WTIP: variants seen among roughly 807,000 people sequenced by gnomAD.
WTIP encodes the protein Wilms tumor protein 1-interacting protein.
In WTIP, 23 loss-of-function variants were observed where a neutral mutation model predicts 41.7. That is an observed-to-expected ratio of 0.55 (90% CI 0.40 to 0.78). The LOEUF (loss-of-function observed/expected upper bound fraction) is 0.78. WTIP is among the 30% of genes least tolerant of loss of function. The pLI is 0.00. For missense variants in WTIP, 619 were observed against 610.5 expected (o/e 1.01, Z -0.15); for synonymous variants, 314 against 269.9 (o/e 1.16, Z -1.60).
rs1188819902 is a variant in WTIP, at chr19:34,500,186, C to A, written c.1210C>A (p.His404Asn). 2 of 1,604,130 alleles carry A rather than the reference C, an allele frequency of 1.2e-6. No individual in the cohort carries two copies. Among genetic ancestry groups the A allele is most frequent in the Non-Finnish European group, 8.5e-7 (1 of 1,179,750 alleles). The change falls in exon 8 of 8, where the codon CAC becomes AAC. Residue 404 changes from histidine (H) to asparagine (N), a missense_variant. Physicochemically the swap from His to Asn is moderately conservative, Grantham distance 68. Coordinates refer to ENST00000590071, the MANE Select transcript of WTIP (RefSeq NM_001080436.2). ...EGRRCYPLAG[H>N]LLCRRCHLRR... is the part of the protein sequence containing the mutation. The stretch of plus-strand genomic sequence containing the variant: ...ACGCCGTTGCTATCCCCTGGCGGGC[C>A]ACCTACTGTGTCGTCGTTGCCACCT...
chr19:34,499,937 A>G (rs2075875372), intron 7 of WTIP, among the ~76,000 whole-genome samples, 192 bp from the exon 8 acceptor site: 1 of 151,926 alleles, frequency 6.6e-6, no homozygotes, highest in Non-Finnish European at 1.5e-5. Context: ...GACCGAAGCG[A>G]TGATCCAGCC....
At chr19:34,486,863 C>T (rs113794040) in intron 1 of WTIP, among the ~76,000 whole-genome samples, 3 of 152,206 alleles carry the variant, frequency 2.0e-5, no homozygotes, top group African/African-American at 4.8e-5. Flanking sequence ...AGGGTCCTTC[C>T]ATCACCAACC....
intron 6 of WTIP, 88 bp downstream of exon 6, chr19:34,494,725 G>A (rs1009626790): frequency 3.7e-6 from 5 of 1,365,498 alleles, no homozygotes; most frequent in East Asian, 2.4e-5. Context: ...GGTCTTGGGC[G>A]ACAGTGGGAG....
At chr19:34,482,979 CT>C (rs2075777038) in intron 1 of WTIP, among the ~76,000 whole-genome samples, 2 of 122,694 alleles carry the variant, frequency 1.6e-5, no homozygotes, top group Non-Finnish European at 3.6e-5. Flanking sequence ...ATTTTTTCTT[CT>C]TTCTTCTTTT....
intron 7 of WTIP, among the ~76,000 whole-genome samples, chr19:34,496,371 A>G (rs770213741): frequency 6.6e-6 from 1 of 152,110 alleles, no homozygotes; most frequent in Admixed American, 6.5e-5. Flanking sequence ...GGGTTTCATC[A>G]TGTTACCCAG....
In WTIP at chr19:34,482,212, G is replaced by C; in HGVS notation, c.238G>C (p.Glu80Gln). 8.8e-7 allele frequency: 1 copy of C among 1,138,760 alleles called. No individual in the cohort carries two copies. The highest frequency in any genetic ancestry group is 1.1e-6 in the Non-Finnish European group (1 of 931,624). 70.5% of individuals were successfully genotyped at this position (1,138,760 alleles called of 1,614,324 possible). A position where few individuals can be genotyped will look rare whatever the true frequency, so the allele number is the denominator to read the frequency against. ...GGGTCCCCGGCGCGCGGCGGTTCCG[G>C]AGCTCAGCGCGCAGCCTGCGGGCAG... ...ERGPRRAAVP[E>Q]LSAQPAGSPR... The change falls in exon 1 of 8, where the codon GAG (glutamate) becomes CAG (glutamine). Residue 80 changes from glutamate to glutamine, a missense_variant. Physicochemically the swap from Glu to Gln is conservative, Grantham distance 29. This residue lies in a region of WTIP where 363 missense variants were observed against 309.0 expected (regional missense o/e 1.17). Transcript: ENST00000590071.
At position 34,505,191 on chromosome 19, in the gene WTIP, AGGTGGT is replaced by A. The variant is rs1198992054; in HGVS notation, c.*4925_*4930del. On this transcript the variant is annotated 3_prime_UTR_variant, in exon 8 of 8. Coordinates refer to ENST00000590071, the MANE Select transcript of WTIP (RefSeq NM_001080436.2). ...GAGGTGGGAGGGGCCCTGAGGCCTG[AGGTGGT>A]GGAAGGAGCTCACCTATCTCAGGCC... is the stretch of plus-strand genomic sequence containing the variant. The A allele has an allele frequency of 6.6e-6, 1 of 152,214 alleles. No homozygotes were observed. The highest frequency in any genetic ancestry group is 2.4e-5 in the African/African-American group (1 of 41,408). The allele number at this position is 152,214 out of a possible 1,614,324, so 9.4% of individuals were successfully genotyped here. A position where few individuals can be genotyped will look rare whatever the true frequency, so the allele number is the denominator to read the frequency against.
At chr19:34,497,373 G>C (rs952282149) in intron 7 of WTIP, among the ~76,000 whole-genome samples, 2 of 152,152 alleles carry the variant, frequency 1.3e-5, no homozygotes, top group African/African-American at 4.8e-5. Context: ...ACTGTCATCT[G>C]TTTAGCCTGT....
At chr19:34,487,262 C>T (rs991555064) in intron 1 of WTIP, among the ~76,000 whole-genome samples, 5 of 151,800 alleles carry the variant, frequency 3.3e-5, no homozygotes, top group South Asian at 2.1e-4. Context: ...CCACCACGCC[C>T]GGCTAATTTT....
At chr19:34,488,114 C>T (rs1195621025) in intron 1 of WTIP, among the ~76,000 whole-genome samples, 5 of 151,706 alleles carry the variant, frequency 3.3e-5, no homozygotes, top group Non-Finnish European at 5.9e-5. Flanking sequence ...CTTACTCTGT[C>T]GGCCAGGCTG....
rs2075921558 is a variant in WTIP, at chr19:34,508,489, T to A, written c.*8220T>A. ...AAGCAGAAGCCTCTTTGGTTTTAGT[T>A]TTAAAGGTGCATTGACCCATGTACC... On this transcript the variant is annotated 3_prime_UTR_variant, in exon 8 of 8. Coordinates refer to ENST00000590071, the MANE Select transcript of WTIP (RefSeq NM_001080436.2). The A allele has an allele frequency of 6.6e-6, 1 of 152,186 alleles. No individual in the cohort carries two copies. Among genetic ancestry groups the A allele is most frequent in the Non-Finnish European group, 1.5e-5 (1 of 68,074 alleles). The allele number at this position is 152,186 out of a possible 1,614,324, so 9.4% of individuals were successfully genotyped here.
intron 1 of WTIP, among the ~76,000 whole-genome samples, chr19:34,486,517 A>G (rs1273814486): frequency 6.6e-6 from 1 of 151,756 alleles, no homozygotes; most frequent in African/African-American, 2.4e-5. Flanking sequence ...AGAGGTGCCC[A>G]CCACCACACC....
rs994684336 is a variant in WTIP, at chr19:34,490,980, C to T, written c.769+503C>T. On this transcript the variant is annotated intron_variant, in intron 2 of 7. Coordinates refer to ENST00000590071, the MANE Select transcript of WTIP (RefSeq NM_001080436.2). ...GGGATTATAGGCACACGTGCCACCA[C>T]GCTCGGCTAATTTTTTTTTTTTTTT... 3.2e-4 allele frequency among the ~76,000 whole-genome samples: 49 copies of T among 151,896 alleles called. 1 individual carries two copies. Among genetic ancestry groups the T allele is most frequent in the African/African-American group, 9.9e-4 (41 of 41,422 alleles).
rs1313951252 is a variant in WTIP, at chr19:34,495,760, T to C, written c.1141T>C (p.Tyr381His). The C allele has an allele frequency of 6.2e-7, 1 of 1,613,804 alleles. No homozygotes were observed. The highest frequency in any genetic ancestry group is 2.2e-5 in the East Asian group (1 of 44,872). ...GGACAGAGACTACCACGTGGCATGT[T>C]ACCACTGTGAGGTGAGCCTGGGCCC... ...SMDRDYHVACYHCEDCGLQLS... is the reference protein window; with the variant it reads ...SMDRDYHVACHHCEDCGLQLS... The change falls in exon 7 of 8, where the codon TAC (tyrosine) becomes CAC (histidine). Residue 381 changes from tyrosine (Y) to histidine (H), a missense_variant. By Grantham distance (83) the Tyr-to-His change is moderately conservative. Around this residue, in one of 3 missense-constraint regions of WTIP, gnomAD observed 92 missense variants for 82.4 expected, o/e 1.12. Transcript: ENST00000590071.
chr19:34,482,666 C>G (rs948310738), intron 1 of WTIP, 25 bp downstream of exon 1: 2 of 1,225,586 alleles, frequency 1.6e-6, no homozygotes, highest in African/African-American at 3.1e-5. Flanking sequence ...CCCGGCAGTT[C>G]CCTGCGCGCA....
intron 1 of WTIP, among the ~76,000 whole-genome samples, chr19:34,485,806 G>A (rs1403798112): frequency 1.3e-5 from 2 of 152,090 alleles, no homozygotes; most frequent in Non-Finnish European, 2.9e-5. Flanking sequence ...TGTTGTCCAG[G>A]CTGGTCTTGA....
chr19:34,497,145 G>C (rs560285953), intron 7 of WTIP, among the ~76,000 whole-genome samples: 2 of 152,220 alleles, frequency 1.3e-5, no homozygotes, highest in South Asian at 4.1e-4. Context: ...TTACAGGCTT[G>C]AGCCACCACA....
chr19:34,483,917 CTTTTTTTTT>C (rs61308943), intron 1 of WTIP, among the ~76,000 whole-genome samples: 8 of 66,842 alleles, frequency 1.2e-4, no homozygotes, highest in African/African-American at 4.0e-4. Context: ...TGAACTGGAT[CTTTTTTTTT>C]TTTTTTTTTT....
intron 7 of WTIP, among the ~76,000 whole-genome samples, chr19:34,498,195 C>T (rs564138505): frequency 1.2e-3 from 179 of 152,226 alleles, no homozygotes; most frequent in Middle Eastern, 6.8e-3. Context: ...GGGTCAAAGC[C>T]GCCAGCATTC....
Sources: allele counts gnomAD v4.1 joint callset (sites outside exome capture counted in the v4.1 genomes callset), GRCh38; gene constraint gnomAD v4.1.1; regional missense constraint gnomAD v4.1.1; transcripts MANE v1.5; gene names NCBI Gene and HGNC (gene_info 2026-07-23, HGNC 2026-07-21).